The following MEIS2 variants were observed in gnomAD, a reference collection of about 807,000 sequenced individuals.
The protein encoded by MEIS2 is homeobox protein Meis2.
MEIS2 carries 9 observed loss-of-function variants against 58.6 expected under a neutral mutation model. The observed-to-expected ratio is 0.15, with a 90% CI of 0.09 to 0.27. The LOEUF (loss-of-function observed/expected upper bound fraction) is 0.27, where lower values mean the gene tolerates loss of function less well. Ranked by LOEUF, MEIS2 falls within the 10% of genes least tolerant of loss-of-function variation. The probability of loss-of-function intolerance (pLI) is 1.00; values close to 1 mark genes in which losing one functional copy is unlikely to be tolerated. For synonymous variants in MEIS2, 221 were observed against 228.4 expected, an observed-to-expected ratio of 0.97 and a Z score of 0.29; for missense variants, 427 against 635.0, an observed-to-expected ratio of 0.67 and a Z score of 3.52.
At chr15:36,938,679 C>T (rs1034727248) in intron 9 of MEIS2, among the ~76,000 whole-genome samples, 1 of 152,190 alleles carries the variant, frequency 6.6e-6, no homozygotes, top group African/African-American at 2.4e-5. Context: ...TTTCCTCTCA[C>T]TTGCTTTGGC....
intron 2 of MEIS2, among the ~76,000 whole-genome samples, chr15:37,096,748 C>G (rs1894303134): frequency 6.6e-6 from 1 of 152,026 alleles, no homozygotes; most frequent in African/African-American, 2.4e-5. Flanking sequence ...GTCTGGAGCC[C>G]GAGTCGATTC....
At chr15:37,082,350 TTAGAG>T (rs1892345566) in intron 7 of MEIS2, among the ~76,000 whole-genome samples, 1 of 152,094 alleles carries the variant, frequency 6.6e-6, no homozygotes, top group South Asian at 2.1e-4. Context: ...TATACAATGT[TTAGAG>T]TATTTTGTTT....
intron 7 of MEIS2, among the ~76,000 whole-genome samples, chr15:37,068,420 T>C (rs1596062198): frequency 6.6e-6 from 1 of 152,220 alleles, no homozygotes; most frequent in Non-Finnish European, 1.5e-5. Context: ...CTAACATCCC[T>C]AATGAGGAAC....
chr15:37,063,583 A>C (rs1338410859), intron 7 of MEIS2, among the ~76,000 whole-genome samples: 1 of 152,212 alleles, frequency 6.6e-6, no homozygotes, highest in African/African-American at 2.4e-5. Flanking sequence ...GTAGCTGTCA[A>C]GCATTAGCTA....
At chr15:37,055,029 A>G (rs2063079946) in intron 7 of MEIS2, among the ~76,000 whole-genome samples, 1 of 152,180 alleles carries the variant, frequency 6.6e-6, no homozygotes, top group East Asian at 1.9e-4. Context: ...TTTCCACATG[A>G]AGAAACTAAG....
intron 8 of MEIS2, among the ~76,000 whole-genome samples, chr15:36,996,064 C>CATAT (rs144257351): frequency 8.1e-5 from 11 of 136,306 alleles, no homozygotes; most frequent in African/African-American, 3.0e-4. Context: ...TATACACACA[C>CATAT]ATATATATAT....
intron 10 of MEIS2, 124 bp downstream of exon 10, chr15:36,896,504 T>TAAA: frequency 1.7e-6 from 1 of 597,090 alleles, no homozygotes; most frequent in African/African-American, 1.9e-5. Context: ...CTGGGGACAT[T>TAAA]AAAAAAAAAA....
chr15:36,942,843 T>G (rs1441094977), intron 9 of MEIS2, among the ~76,000 whole-genome samples: 2 of 152,082 alleles, frequency 1.3e-5, no homozygotes, highest in Non-Finnish European at 2.9e-5. Flanking sequence ...CCCAAGACTC[T>G]TATTTTTAAG....
At chr15:37,015,457 C>T (rs557315233) in intron 8 of MEIS2, among the ~76,000 whole-genome samples, 2 of 133,786 alleles carry the variant, frequency 1.5e-5, no homozygotes, top group East Asian at 4.2e-4. Context: ...AGTATATCCA[C>T]ACACACACAC....
At chr15:37,079,344 CA>C (rs1461278524) in intron 7 of MEIS2, among the ~76,000 whole-genome samples, 1 of 152,004 alleles carries the variant, frequency 6.6e-6, no homozygotes, top group Non-Finnish European at 1.5e-5. Flanking sequence ...AAGCAACTAG[CA>C]AAAGATTATG....
At chr15:37,027,848 T>A (rs1214959349) in intron 8 of MEIS2, among the ~76,000 whole-genome samples, 1 of 152,042 alleles carries the variant, frequency 6.6e-6, no homozygotes, top group East Asian at 1.9e-4. Context: ...TTCCCATAAA[T>A]CCCTGGCCCC....
chr15:36,931,695 C>CA (rs1253938097), intron 9 of MEIS2, among the ~76,000 whole-genome samples: 1 of 152,184 alleles, frequency 6.6e-6, no homozygotes, highest in Non-Finnish European at 1.5e-5. Flanking sequence ...TAATTAACGA[C>CA]AAATTAGCAA....
At position 37,094,545 on chromosome 15, in the gene MEIS2, A is replaced by G. The variant is rs137952617; in HGVS notation, c.471T>C (p.His157=). The change falls in exon 5 of 12, where the codon CAT becomes CAC. Residue 157 remains histidine (H), a synonymous_variant. Transcript: ENST00000561208. The part of the protein sequence containing the change: ...MIQAIQVLRF[H]LLELEKVHEL... ...TGCTTACCTTTTCTAACTCCAAAAG[A>G]TGAAACCTTAGTACTTGTATTGCTT... 3.8e-4 allele frequency: 618 copies of G among 1,613,150 alleles called. No homozygotes were observed. Among genetic ancestry groups the G allele is most frequent in the South Asian group, 6.7e-4 (61 of 90,880 alleles).
At chr15:37,060,521 G>C (rs1206690084) in intron 7 of MEIS2, among the ~76,000 whole-genome samples, 1 of 152,010 alleles carries the variant, frequency 6.6e-6, no homozygotes, top group Admixed American at 6.6e-5. Context: ...TTTAGTATCT[G>C]TAACCCCTGA....
At position 37,099,483 on chromosome 15, in the gene MEIS2, A is replaced by G; in HGVS notation, c.-17T>C. 10 of 1,613,984 alleles carry G rather than the reference A, an allele frequency of 6.2e-6. No individual in the cohort carries two copies. The highest frequency in any genetic ancestry group is 8.5e-6 in the Non-Finnish European group (10 of 1,180,000). On this transcript the variant is annotated 5_prime_UTR_variant, in exon 1 of 12. Transcript: ENST00000561208. ...TTGCGCCATCAGTCTGCGCTCCAAT[A>G]AACTCCTGGATGTGTCGTATATTTA...
chr15:36,957,965 T>C (rs2059045584), intron 8 of MEIS2, among the ~76,000 whole-genome samples: 1 of 152,248 alleles, frequency 6.6e-6, no homozygotes, highest in Non-Finnish European at 1.5e-5. Context: ...TGTTTGGTGT[T>C]ATGGAAATGC....
intron 9 of MEIS2, among the ~76,000 whole-genome samples, chr15:36,928,877 C>T (rs1247522559): frequency 6.6e-6 from 1 of 152,014 alleles, no homozygotes; most frequent in Admixed American, 6.6e-5. Flanking sequence ...CACCATTAAC[C>T]CTCATACGCT....
intron 8 of MEIS2, among the ~76,000 whole-genome samples, chr15:36,983,092 T>C (rs1320600352): frequency 2.6e-5 from 4 of 152,118 alleles, no homozygotes; most frequent in African/African-American, 9.6e-5. Context: ...CCAATTCCTA[T>C]AGGCTGTATA....
At chr15:36,962,634 A>C (rs1020499) in intron 8 of MEIS2, among the ~76,000 whole-genome samples, 1 of 151,918 alleles carries the variant, frequency 6.6e-6, no homozygotes, top group African/African-American at 2.4e-5. Context: ...ACCCGCAGAC[A>C]TAAAGGTCCG....
Sources: gnomAD v4.1 joint callset for allele counts (sites outside exome capture counted in the v4.1 genomes callset) on GRCh38, gnomAD v4.1.1 for gene constraint, MANE v1.5 for transcripts, NCBI Gene and HGNC (gene_info 2026-07-23, HGNC 2026-07-21) for gene names.